TTC7B: variants seen among roughly 807,000 people sequenced by gnomAD.
TTC7B encodes the protein tetratricopeptide repeat protein 7B.
Under a neutral mutation model 106.8 loss-of-function variants are expected in TTC7B, and 28 were observed. The ratio of observed to expected loss-of-function variants is 0.26; its 90% CI spans 0.19 to 0.36. The LOEUF (loss-of-function observed/expected upper bound fraction) is 0.36. TTC7B is among the 10% of genes least tolerant of loss of function. The pLI is 1.00. For synonymous variants in TTC7B, 405 were observed against 430.6 expected, an observed-to-expected ratio of 0.94 and a Z score of 0.74; for missense variants, 862 against 1,076.4, an observed-to-expected ratio of 0.80 and a Z score of 2.79.
Position 90,730,114 on chromosome 14 carries a change from G to C in TTC7B, c.659C>G (p.Thr220Arg). ...GAGGACATGGGCTCTCTGAAGTCCT[G>C]TTTCTAGGAAAAAACCTAGTTCTTG... ...HDQELGFFLE[T>R]GLQRAHVLYF... Residue 220 changes from threonine (T) to arginine (R), a missense_variant, in exon 5 of 20, where the codon ACA (threonine) becomes AGA (arginine). Coordinates refer to ENST00000328459, the MANE Select transcript of TTC7B (RefSeq NM_001010854.2). 6.2e-7 allele frequency: 1 copy of C among 1,613,752 alleles called. No individual in the cohort carries two copies. The highest frequency in any genetic ancestry group is 8.5e-7 in the Non-Finnish European group (1 of 1,179,904).
At chr14:90,738,470 G>A (rs1441071510) in intron 4 of TTC7B, among the ~76,000 whole-genome samples, 1 of 152,128 alleles carries the variant, frequency 6.6e-6, no homozygotes, top group Non-Finnish European at 1.5e-5. Flanking sequence ...TTAGCCAGGT[G>A]TGGTAGCAGG....
At chr14:90,753,920 G>A (rs1890208795) in intron 3 of TTC7B, among the ~76,000 whole-genome samples, 1 of 152,216 alleles carries the variant, frequency 6.6e-6, no homozygotes, top group South Asian at 2.1e-4. Flanking sequence ...GTGAGCAAAT[G>A]AGATGCTAGC....
chr14:90,602,809 T>C (rs1188906665), intron 17 of TTC7B, among the ~76,000 whole-genome samples: 1 of 151,964 alleles, frequency 6.6e-6, no homozygotes, highest in African/African-American at 2.4e-5. Flanking sequence ...TTTAGAAAAA[T>C]TAACAGTTAG....
Position 90,525,029 on chromosome 14 carries a change from A to C in TTC7B, c.*16339T>G, listed in dbSNP as rs1034722899. The C allele has an allele frequency of 2.6e-5, 4 of 152,206 alleles. No individual in the cohort carries two copies. Among genetic ancestry groups the C allele is most frequent in the Admixed American group, 6.5e-5 (1 of 15,282 alleles). 9.4% of individuals were successfully genotyped at this position (152,206 alleles called of 1,614,324 possible). ...ATCCATGAAGCCATCGCCACTATTAAGAGAGGGATCATATCCATCACCCTC... is the reference window on the plus strand; with the variant it reads ...ATCCATGAAGCCATCGCCACTATTACGAGAGGGATCATATCCATCACCCTC... On this transcript the variant is annotated 3_prime_UTR_variant, in exon 20 of 20. Transcript: ENST00000328459.
At chr14:90,778,358 A>G (rs1279299798) in intron 3 of TTC7B, among the ~76,000 whole-genome samples, 1 of 152,124 alleles carries the variant, frequency 6.6e-6, no homozygotes, top group Non-Finnish European at 1.5e-5. Flanking sequence ...CCCACCTTTC[A>G]TGGCAGCCAA....
chr14:90,641,299 T>C (rs1885160346), intron 15 of TTC7B, among the ~76,000 whole-genome samples: 1 of 152,210 alleles, frequency 6.6e-6, no homozygotes, highest in African/African-American at 2.4e-5. Context: ...CTCTACTAAC[T>C]GCCCAACAGG....
chr14:90,782,320 C>T lies in TTC7B; in HGVS notation c.277-1414G>A, dbSNP rs116274969. On this transcript the variant is annotated intron_variant, in intron 2 of 19. Transcript: ENST00000328459. Reference sequence around the variant, plus strand: ...GAAAAGAGAAAAAAAGCATCCAGGCCGAGTGCGGTGGCTCACACCTATAAT... The same window carrying T: ...GAAAAGAGAAAAAAAGCATCCAGGCTGAGTGCGGTGGCTCACACCTATAAT... Among the ~76,000 whole-genome samples the T allele has an allele frequency of 3.8e-3, 576 of 152,208 alleles. 5 individuals are homozygous for T. The highest frequency in any genetic ancestry group is 0.013 in the African/African-American group (548 of 41,518).
rs896211988 is a variant in TTC7B at position 90,802,880 on chromosome 14, C to T, written c.121+13295G>A. On this transcript the variant is annotated intron_variant, in intron 1 of 19. Transcript: ENST00000328459. This position sits in a 1 kb window ranked among gnomAD's most constrained non-coding sequence, Gnocchi z 4.7. ...ATAAGGCCGGGCACGGTGGCTCACG[C>T]CTGTAATCCCAGCACTTTGGGAGGC... 1.3e-5 allele frequency among the ~76,000 whole-genome samples: 2 copies of T among 151,982 alleles called. No individual in the cohort carries two copies.
At chr14:90,719,654 A>G (rs1888810241) in intron 5 of TTC7B, among the ~76,000 whole-genome samples, 1 of 152,172 alleles carries the variant, frequency 6.6e-6, no homozygotes, top group African/African-American at 2.4e-5. Flanking sequence ...GGCTGTAGGG[A>G]CTGCTGGGAG....
chr14:90,635,273 G>GA (rs142037745), intron 15 of TTC7B, among the ~76,000 whole-genome samples: 4,189 of 151,944 alleles, frequency 0.028, 165 homozygotes, highest in African/African-American at 0.094. Flanking sequence ...TATTAGCAGA[G>GA]AAAAAATGTA....
intron 17 of TTC7B, among the ~76,000 whole-genome samples, chr14:90,595,375 G>T (rs778883404): frequency 3.9e-5 from 6 of 152,062 alleles, no homozygotes; most frequent in Non-Finnish European, 5.9e-5. Context: ...AATTAAAAAA[G>T]AGTCTAATTG....
chr14:90,612,909 A>G (rs1024533093), intron 16 of TTC7B, among the ~76,000 whole-genome samples: 2 of 152,198 alleles, frequency 1.3e-5, no homozygotes, highest in African/African-American at 2.4e-5. Context: ...AACCCCAAAC[A>G]AACCATCATC....
At chr14:90,597,621 G>A (rs1434891523) in intron 17 of TTC7B, among the ~76,000 whole-genome samples, 2 of 151,788 alleles carry the variant, frequency 1.3e-5, no homozygotes, top group Non-Finnish European at 2.9e-5. Context: ...CTGCGCCATT[G>A]CACTCCAGCC....
chr14:90,681,234 T>C (rs1312159790), intron 7 of TTC7B, among the ~76,000 whole-genome samples: 1 of 152,308 alleles, frequency 6.6e-6, no homozygotes, highest in South Asian at 2.1e-4. Context: ...TTGTGAGCAA[T>C]TGCAGCATTT....
intron 1 of TTC7B, among the ~76,000 whole-genome samples, chr14:90,786,825 C>T (rs890252803): frequency 1.3e-5 from 2 of 152,142 alleles, no homozygotes; most frequent in African/African-American, 2.4e-5. Context: ...AGGTGATCCG[C>T]CCACCTCGAC....
In TTC7B at chr14:90,596,005, T is replaced by C. The variant is rs376144133; in HGVS notation, c.1967-2379A>G. 3.3e-5 allele frequency among the ~76,000 whole-genome samples: 5 copies of C among 152,334 alleles called. No individual in the cohort carries two copies. The South Asian group carries it at 1.0e-3, about 32-fold the overall frequency. On this transcript the variant is annotated intron_variant, in intron 17 of 19. Coordinates refer to ENST00000328459, the MANE Select transcript of TTC7B (RefSeq NM_001010854.2). ...ATCTTGTTCTCTAGAACAGGGGTTC[T>C]TAGACTTTTTGGTCTCAGAATCTCT...
rs1889513381 is a variant in TTC7B, at chr14:90,539,845, TTC to T, written c.*1521_*1522del. On this transcript the variant is annotated 3_prime_UTR_variant, in exon 20 of 20. Coordinates refer to ENST00000328459, the MANE Select transcript of TTC7B (RefSeq NM_001010854.2). The stretch of plus-strand genomic sequence containing the variant: ...CATGGTGGCAAGAGGGCTGCTGCAG[TTC>T]CAGCCTCACTTCTCAGCTTGAAAGG... The T allele has an allele frequency of 6.6e-6, 1 of 152,280 alleles. No homozygotes were observed. Among genetic ancestry groups the T allele is most frequent in the Non-Finnish European group, 1.5e-5 (1 of 68,080 alleles). 9.4% of individuals were successfully genotyped at this position (152,280 alleles called of 1,614,324 possible). A position where few individuals can be genotyped will look rare whatever the true frequency, so the allele number is the denominator to read the frequency against.
chr14:90,610,965 T>G, intron 16 of TTC7B, 126 bp from the exon 17 acceptor site: 1 of 729,278 alleles, frequency 1.4e-6, no homozygotes, highest in South Asian at 1.5e-5. Flanking sequence ...TTCTTCAGCA[T>G]CTTTCTTATG....
chr14:90,779,594 G>A (rs575642205), intron 3 of TTC7B, among the ~76,000 whole-genome samples: 17 of 152,334 alleles, frequency 1.1e-4, no homozygotes, highest in African/African-American at 3.8e-4. Flanking sequence ...GTGAGCTACC[G>A]CACCTGGTCG....
Sources: allele counts gnomAD v4.1 joint callset (sites outside exome capture counted in the v4.1 genomes callset), GRCh38; gene constraint gnomAD v4.1.1; non-coding constraint Gnocchi (gnomAD v3.1); transcripts MANE v1.5; gene names NCBI Gene and HGNC (gene_info 2026-07-23, HGNC 2026-07-21).